The following EPHA3 variants were observed in gnomAD, a reference collection of about 807,000 sequenced individuals.
EPHA3 encodes the protein EPH receptor A3, also known as ephrin type-A receptor 3.
In EPHA3, 42 loss-of-function variants were observed where a neutral mutation model predicts 107.1. The observed-to-expected ratio is 0.39, with a 90% confidence interval of 0.31 to 0.51. The LOEUF is 0.51. EPHA3 is among the 20% of genes least tolerant of loss of function. The pLI is 0.78. For missense variants in EPHA3, 1,183 were observed against 1,211.2 expected (o/e 0.98, Z 0.35); for synonymous variants, 461 against 424.8 (o/e 1.09, Z -1.05).
At chr3:89,177,842 T>A (rs1248791189) in intron 2 of EPHA3, among the ~76,000 whole-genome samples, 1 of 152,196 alleles carries the variant, frequency 6.6e-6, no homozygotes. Flanking sequence ...TCTACCTCTC[T>A]TTCCCTCACT....
chr3:89,143,414 A>G (rs1160002732), intron 2 of EPHA3, among the ~76,000 whole-genome samples: 3 of 151,454 alleles, frequency 2.0e-5, no homozygotes, highest in Admixed American at 6.6e-5. Context: ...TAGATATTTC[A>G]GAGTCAAAAG....
intron 3 of EPHA3, among the ~76,000 whole-genome samples, chr3:89,285,458 A>G (rs1484910910): frequency 6.6e-6 from 1 of 152,208 alleles, no homozygotes; most frequent in Non-Finnish European, 1.5e-5. Flanking sequence ...AAATAAATCT[A>G]TTAGGAGGTA....
At chr3:89,359,750 C>CAT (rs1169948441) in intron 5 of EPHA3, among the ~76,000 whole-genome samples, 1 of 138,758 alleles carries the variant, frequency 7.2e-6, no homozygotes, top group Non-Finnish European at 1.6e-5. Flanking sequence ...CATATATACA[C>CAT]ATATATACAC....
intron 1 of EPHA3, among the ~76,000 whole-genome samples, chr3:89,113,738 T>TGGG (rs140518086): frequency 3.6e-4 from 51 of 141,564 alleles, no homozygotes; most frequent in African/African-American, 1.1e-3. Context: ...GGGGTTGAGG[T>TGGG]GGGGGGGGGC....
intron 3 of EPHA3, among the ~76,000 whole-genome samples, chr3:89,262,793 C>T (rs574880966): frequency 6.6e-6 from 1 of 151,910 alleles, no homozygotes; most frequent in Non-Finnish European, 1.5e-5. Flanking sequence ...TATTCACTCG[C>T]ACCCACTGCG....
chr3:89,404,597 C>T (rs1369582976), intron 7 of EPHA3, among the ~76,000 whole-genome samples: 4 of 152,054 alleles, frequency 2.6e-5, no homozygotes, highest in Admixed American at 1.3e-4. Flanking sequence ...TATTAGACAC[C>T]TATGTAACTC....
At chr3:89,350,738 C>G (rs370370838) in intron 5 of EPHA3, among the ~76,000 whole-genome samples, 18 of 151,004 alleles carry the variant, frequency 1.2e-4, no homozygotes, top group East Asian at 9.7e-4. Flanking sequence ...TTTTCCCCAT[C>G]TTTGTGGTTT....
chr3:89,247,262 T>C (rs1337467031), intron 3 of EPHA3, among the ~76,000 whole-genome samples: 2 of 152,114 alleles, frequency 1.3e-5, no homozygotes, highest in Non-Finnish European at 2.9e-5. Context: ...GTTGAGGGGA[T>C]GGGGAATAAT....
At chr3:89,278,983 A>C (rs1242849855) in intron 3 of EPHA3, among the ~76,000 whole-genome samples, 1 of 152,196 alleles carries the variant, frequency 6.6e-6, no homozygotes. Flanking sequence ...CTGGTAGTTT[A>C]AACTGTGGAA....
chr3:89,390,047 G>C (rs1018020399), intron 5 of EPHA3, among the ~76,000 whole-genome samples: 4 of 151,950 alleles, frequency 2.6e-5, no homozygotes, highest in Non-Finnish European at 5.9e-5. Flanking sequence ...ACTGAAGTGT[G>C]GTGGTGTCAT....
At chr3:89,228,670 A>T (rs1335299528) in intron 3 of EPHA3, among the ~76,000 whole-genome samples, 1 of 151,978 alleles carries the variant, frequency 6.6e-6, no homozygotes, top group Non-Finnish European at 1.5e-5. Flanking sequence ...TGTAACACCT[A>T]TGAAAAATGT....
intron 3 of EPHA3, among the ~76,000 whole-genome samples, chr3:89,304,082 T>C (rs997781366): frequency 6.6e-6 from 1 of 152,128 alleles, no homozygotes; most frequent in Non-Finnish European, 1.5e-5. Flanking sequence ...TAGTCTCTGT[T>C]GTATCCCCAG....
intron 2 of EPHA3, among the ~76,000 whole-genome samples, chr3:89,155,546 T>A (rs1704783754): frequency 6.6e-6 from 1 of 152,060 alleles, no homozygotes; most frequent in African/African-American, 2.4e-5. Context: ...ACAATTGCAA[T>A]CCATTTTGAT....
intron 3 of EPHA3, 67 bp from the exon 4 acceptor site, chr3:89,340,849 A>C (rs1209173581): frequency 7.1e-7 from 1 of 1,417,224 alleles, no homozygotes; most frequent in African/African-American, 1.5e-5. Context: ...GAACTTACTT[A>C]AATCTGTTTT....
intron 3 of EPHA3, among the ~76,000 whole-genome samples, chr3:89,321,640 C>A (rs1211081131): frequency 1.3e-5 from 2 of 152,040 alleles, no homozygotes; most frequent in Non-Finnish European, 2.9e-5. Flanking sequence ...CTGAAAGGAG[C>A]ATGGCAGAGC....
chr3:89,248,449 C>T (rs1490673047), intron 3 of EPHA3, among the ~76,000 whole-genome samples: 1 of 152,142 alleles, frequency 6.6e-6, no homozygotes, highest in African/African-American at 2.4e-5. Context: ...ACATAAGTGC[C>T]CAGTTGCCAG....
intron 2 of EPHA3, among the ~76,000 whole-genome samples, chr3:89,159,873 C>T (rs1370884212): frequency 6.6e-6 from 1 of 152,034 alleles, no homozygotes; most frequent in Admixed American, 6.6e-5. Flanking sequence ...AAACTCTAAA[C>T]ACCAACTAGG....
intron 13 of EPHA3, among the ~76,000 whole-genome samples, chr3:89,435,010 C>T (rs1709638095): frequency 6.6e-6 from 1 of 151,644 alleles, no homozygotes; most frequent in African/African-American, 2.4e-5. Context: ...TCATAATAGG[C>T]CTTATTGAGT....
chr3:89,461,353 G>T (rs1299806648), intron 15 of EPHA3, among the ~76,000 whole-genome samples: 20 of 37,678 alleles, frequency 5.3e-4, no homozygotes, highest in African/African-American at 3.8e-3. Context: ...GTAATGGGAT[G>T]GCTGGGTCAA....
Sources: gnomAD v4.1 joint callset for allele counts (sites outside exome capture counted in the v4.1 genomes callset) on GRCh38, gnomAD v4.1.1 for gene constraint, MANE v1.5 for transcripts, NCBI Gene and HGNC (gene_info 2026-07-23, HGNC 2026-07-21) for gene names.